ITIH5: variants seen among roughly 807,000 people sequenced by gnomAD.
ITIH5 encodes the protein inter-alpha-trypsin inhibitor heavy chain 5.
ITIH5 carries 65 observed loss-of-function variants against 77.5 expected under a neutral mutation model. That is an observed-to-expected ratio of 0.84 (90% CI 0.69 to 1.03). The LOEUF is 1.03. Among genes scored for constraint, ITIH5 ranks in the 50% least tolerant of loss-of-function variants. The pLI is 0.00. For synonymous variants in ITIH5, 525 were observed against 494.3 expected (o/e 1.06, Z -0.82); for missense variants, 1,208 against 1,213.1 (o/e 1.00, Z 0.06).
chr10:7,662,878 G>GA (rs942343916), intron 1 of ITIH5, among the ~76,000 whole-genome samples: 20 of 151,536 alleles, frequency 1.3e-4, no homozygotes, highest in South Asian at 2.1e-4. Context: ...TTAAAGAGTT[G>GA]AAAAAAAATA....
At chr10:7,594,646 C>T (rs1293392597) in intron 7 of ITIH5, among the ~76,000 whole-genome samples, 1 of 152,144 alleles carries the variant, frequency 6.6e-6, no homozygotes, top group Non-Finnish European at 1.5e-5. Flanking sequence ...TAGAAGGCCA[C>T]TCTTGCTCTT....
At chr10:7,613,525 T>C (rs1357924604) in intron 7 of ITIH5, among the ~76,000 whole-genome samples, 1 of 152,032 alleles carries the variant, frequency 6.6e-6, no homozygotes, top group African/African-American at 2.4e-5. Flanking sequence ...TTAAAAACTG[T>C]AAAAAACGGA....
chr10:7,655,364 T>C (rs889323012), intron 2 of ITIH5, among the ~76,000 whole-genome samples: 1 of 152,096 alleles, frequency 6.6e-6, no homozygotes, highest in Admixed American at 6.5e-5. Flanking sequence ...ATAAAAGTTA[T>C]ATTTAGGCTT....
intron 11 of ITIH5, among the ~76,000 whole-genome samples, chr10:7,570,622 GTTTAT>G (rs1195102761): frequency 2.6e-5 from 4 of 152,044 alleles, no homozygotes; most frequent in Non-Finnish European, 4.4e-5. Context: ...AGTGCAATTT[GTTTAT>G]TTTATTTATT....
chr10:7,654,966 A>T lies in ITIH5; in HGVS notation c.135+665T>A, dbSNP rs545754039. Among the ~76,000 whole-genome samples, 324 of 150,436 alleles carry T rather than the reference A, an allele frequency of 2.2e-3. 1 individual carries two copies. Among genetic ancestry groups the T allele is most frequent in the Middle Eastern group, 3.4e-3 (1 of 292 alleles). ...GATGAGAAAACCAAGCAAAAAAAAAATTTTTTTTAATTCAAAATCTCAATC... is the reference window on the plus strand; with the variant it reads ...GATGAGAAAACCAAGCAAAAAAAAATTTTTTTTTAATTCAAAATCTCAATC... On this transcript the variant is annotated intron_variant, in intron 2 of 13. Coordinates refer to ENST00000397146, the MANE Select transcript of ITIH5 (RefSeq NM_030569.7).
chr10:7,608,947 C>A (rs1447205487), intron 7 of ITIH5, among the ~76,000 whole-genome samples: 1 of 152,042 alleles, frequency 6.6e-6, no homozygotes, highest in African/African-American at 2.4e-5. Context: ...AGTGCACTGT[C>A]CTTCACGTTA....
At position 7,628,955 on chromosome 10, in the gene ITIH5, G is replaced by A. The variant is rs112203569; in HGVS notation, c.652+8273C>T. On this transcript the variant is annotated intron_variant, in intron 5 of 13. Transcript: ENST00000397146. ...TTTTCACATGTGTCCATGTTGTAGCGTGTGTCCGTGTTGTAGCATGTGTCC... is the reference window on the plus strand; with the variant it reads ...TTTTCACATGTGTCCATGTTGTAGCATGTGTCCGTGTTGTAGCATGTGTCC... Among the ~76,000 whole-genome samples, 33 of 129,160 alleles carry A rather than the reference G, an allele frequency of 2.6e-4. 4 individuals are homozygous for A. The highest frequency in any genetic ancestry group is 3.1e-4 in the Admixed American group (4 of 12,972). The allele number at this position is 129,160 out of a possible 152,430, so 84.7% of individuals were successfully genotyped here. A position where few individuals can be genotyped will look rare whatever the true frequency, so the allele number is the denominator to read the frequency against.
chr10:7,563,253 G>C lies in ITIH5; in HGVS notation c.2659C>G (p.Pro887Ala). ...AVLTVKGHQVPVVWKQRKIYN... is the reference protein window; with the variant it reads ...AVLTVKGHQVAVVWKQRKIYN... The stretch of plus-strand genomic sequence containing the variant: ...ATCTTCCTTTGCTTCCAGACCACTG[G>C]GACTTGGTGGCCTTTCACTGTTAGG... Residue 887 changes from proline to alanine, a missense_variant, in exon 14 of 14, where the codon CCA becomes GCA. Physicochemically the swap from Pro to Ala is conservative, Grantham distance 27 (BLOSUM62 -1). Transcript: ENST00000397146. 6.2e-7 allele frequency: 1 copy of C among 1,614,188 alleles called. No homozygotes were observed. The highest frequency in any genetic ancestry group is 8.5e-7 in the Non-Finnish European group (1 of 1,180,042).
intron 13 of ITIH5, among the ~76,000 whole-genome samples, chr10:7,565,048 T>C (rs545254080): frequency 1.2e-4 from 16 of 137,292 alleles, no homozygotes; most frequent in East Asian, 4.3e-4. Context: ...TATATATATA[T>C]ACATATATAC....
intron 7 of ITIH5, among the ~76,000 whole-genome samples, chr10:7,586,574 T>C (rs186223426): frequency 7.2e-5 from 11 of 152,298 alleles, no homozygotes; most frequent in Admixed American, 2.6e-4. Context: ...CCTTACTCGG[T>C]TGTGAGTTCT....
intron 3 of ITIH5, 65 bp from the exon 4 acceptor site, chr10:7,640,920 T>C: frequency 9.6e-7 from 1 of 1,038,248 alleles, no homozygotes; most frequent in Non-Finnish European, 1.5e-6. Flanking sequence ...ACATGGATCT[T>C]ATAACCATGA....
At chr10:7,617,307 T>C in intron 5 of ITIH5, 25 bp from the exon 6 acceptor site, 4 of 1,375,834 alleles carry the variant, frequency 2.9e-6, no homozygotes, top group South Asian at 1.6e-5. Flanking sequence ...GAAACATAAT[T>C]AATAACTTAA....
chr10:7,600,982 C>CT (rs1241088575), intron 7 of ITIH5, among the ~76,000 whole-genome samples: 1 of 152,200 alleles, frequency 6.6e-6, no homozygotes, highest in Non-Finnish European at 1.5e-5. Flanking sequence ...ATAAGCTACT[C>CT]AGTCTATGGC....
At chr10:7,599,384 G>A (rs1029512870) in intron 7 of ITIH5, among the ~76,000 whole-genome samples, 10 of 152,188 alleles carry the variant, frequency 6.6e-5, no homozygotes, top group African/African-American at 1.9e-4. Flanking sequence ...GACCAAGAGA[G>A]GTTCAGCTCT....
Position 7,563,120 on chromosome 10 carries a change from C to T in ITIH5, c.2792G>A (p.Gly931Glu). 6.2e-7 allele frequency: 1 copy of T among 1,614,070 alleles called. No individual in the cohort carries two copies. The part of the protein sequence containing the change: ...DYLASHPFDT[G>E]MTLGRGMSRE... ...GGACATTCCCCGGCCAAGTGTCATC[C>T]CTGTGTCAAATGGATGGGATGCCAG... Residue 931 changes from glycine to glutamate, a missense_variant, in exon 14 of 14, where the codon GGG becomes GAG. Gly to Glu is a moderately conservative substitution (Grantham distance 98, BLOSUM62 -2). Coordinates refer to ENST00000397146, the MANE Select transcript of ITIH5 (RefSeq NM_030569.7).
At position 7,642,082 on chromosome 10, in the gene ITIH5, T is replaced by G; in HGVS notation, c.144A>C (p.Lys48Asn). ...QVRLLQRLKT[K>N]PLMTEFSVKS... is the part of the protein sequence containing the mutation. ...TCACTGAGAATTCTGTCATCAAAGG[T>G]TTGGTTTTCTGTAGGAATGAAAACA... Residue 48 changes from lysine (K) to asparagine (N), a missense_variant, in exon 3 of 14, where the codon AAA (lysine) becomes AAC (asparagine). Coordinates refer to ENST00000397146, the MANE Select transcript of ITIH5 (RefSeq NM_030569.7). 6.2e-7 allele frequency: 1 copy of G among 1,613,558 alleles called. No homozygotes were observed. Among genetic ancestry groups the G allele is most frequent in the Non-Finnish European group, 8.5e-7 (1 of 1,179,664 alleles).
chr10:7,580,351 C>T (rs1393837884), intron 8 of ITIH5, among the ~76,000 whole-genome samples: 1 of 152,150 alleles, frequency 6.6e-6, no homozygotes, highest in East Asian at 1.9e-4. Flanking sequence ...AACTCCTGAC[C>T]TCAAGTAATC....
chr10:7,658,741 G>C (rs1326334009), intron 1 of ITIH5, among the ~76,000 whole-genome samples: 2 of 152,174 alleles, frequency 1.3e-5, no homozygotes, highest in Non-Finnish European at 1.5e-5. Context: ...ATTATCAATA[G>C]AAAGAAATCT....
chr10:7,567,608 A>G (rs1233603864), intron 12 of ITIH5, among the ~76,000 whole-genome samples: 1 of 151,816 alleles, frequency 6.6e-6, no homozygotes, highest in Admixed American at 6.6e-5. Context: ...CTGTCCTTGC[A>G]ATAGTTTGCT....
Sources: gnomAD v4.1 joint callset for allele counts (sites outside exome capture counted in the v4.1 genomes callset) on GRCh38, gnomAD v4.1.1 for gene constraint, MANE v1.5 for transcripts, NCBI Gene and HGNC (gene_info 2026-07-23, HGNC 2026-07-21) for gene names.